RORA: variants seen among roughly 807,000 people sequenced by gnomAD.
The protein encoded by RORA is RAR related orphan receptor A.
In RORA, 7 loss-of-function variants were observed where a neutral mutation model predicts 69.5. The ratio of observed to expected loss-of-function variants is 0.10; its 90% CI spans 0.06 to 0.19. The LOEUF (loss-of-function observed/expected upper bound fraction) is 0.19, where lower values mean the gene tolerates loss of function less well. RORA is among the 10% of genes least tolerant of loss of function. The pLI is 1.00. For missense variants in RORA, 457 were observed against 663.0 expected (o/e 0.69, Z 3.41); for synonymous variants, 261 against 240.8 (o/e 1.08, Z -0.78).
intron 1 of RORA, among the ~76,000 whole-genome samples, chr15:61,094,432 C>A (rs2140727141): frequency 6.6e-6 from 1 of 152,262 alleles, no homozygotes; most frequent in Non-Finnish European, 1.5e-5. Context: ...CTGTTGCTGT[C>A]TGGTGTGTTT....
intron 1 of RORA, among the ~76,000 whole-genome samples, chr15:61,099,390 C>A (rs932987043): frequency 2.6e-5 from 4 of 152,138 alleles, no homozygotes; most frequent in African/African-American, 9.7e-5. Context: ...TCTATACTGT[C>A]CCCCACTAAA....
At chr15:60,964,805 G>A (rs1340601137) in intron 1 of RORA, among the ~76,000 whole-genome samples, 1 of 152,180 alleles carries the variant, frequency 6.6e-6, no homozygotes, top group East Asian at 1.9e-4. Context: ...TTGCTGATGT[G>A]GGAGGAAAGG....
At position 60,615,018 on chromosome 15, in the gene RORA, G is replaced by C. The variant is rs762807339; in HGVS notation, c.196+63639C>G. The C allele has an allele frequency of 1.4e-5, 22 of 1,612,498 alleles. No individual in the cohort carries two copies. In the South Asian group the frequency reaches 2.3e-4, roughly 17 times the overall value. On this transcript the variant is annotated intron_variant, in intron 2 of 10. Coordinates refer to ENST00000335670, the MANE Select transcript of RORA (RefSeq NM_134261.3). Reference sequence around the variant, plus strand: ...AGAACAGCCTGCTCAGGGAGCTACAGGTTGAAGAGCTGTCAGGGAAAACAG... The same window carrying C: ...AGAACAGCCTGCTCAGGGAGCTACACGTTGAAGAGCTGTCAGGGAAAACAG...
intron 2 of RORA, among the ~76,000 whole-genome samples, chr15:60,613,696 C>A (rs1350157567): frequency 8.0e-6 from 1 of 125,324 alleles, no homozygotes; most frequent in Non-Finnish European, 1.6e-5. Flanking sequence ...AATTTGATAT[C>A]TGTGTGTGTG....
In RORA at chr15:60,738,576, A is replaced by T. The variant is rs1011701789; in HGVS notation, c.167-59890T>A. Among the ~76,000 whole-genome samples, 7 of 152,378 alleles carry T rather than the reference A, an allele frequency of 4.6e-5. 1 individual carries two copies. Among genetic ancestry groups the T allele is most frequent in the African/African-American group, 1.7e-4 (7 of 41,590 alleles). On this transcript the variant is annotated intron_variant, in intron 1 of 10. Coordinates refer to ENST00000335670, the MANE Select transcript of RORA (RefSeq NM_134261.3). ...TTATGATATCGTTGGTATTAAGACA[A>T]ATATAATCCAGGCTGGATTTCATCA...
At chr15:61,195,319 T>C (rs756859301) in intron 1 of RORA, among the ~76,000 whole-genome samples, 38 of 152,000 alleles carry the variant, frequency 2.5e-4, no homozygotes, top group Non-Finnish European at 4.9e-4. Flanking sequence ...TCTCAGCCAC[T>C]AGAGGTCTAC....
intron 1 of RORA, among the ~76,000 whole-genome samples, chr15:61,116,827 C>A (rs1047403061): frequency 6.6e-6 from 1 of 152,094 alleles, no homozygotes; most frequent in African/African-American, 2.4e-5. Flanking sequence ...AACTAAATGG[C>A]TCCTAGGTCC....
intron 2 of RORA, among the ~76,000 whole-genome samples, chr15:60,583,404 C>G (rs1596012158): frequency 6.6e-6 from 1 of 152,344 alleles, no homozygotes; most frequent in East Asian, 1.9e-4. Context: ...ACTGTTTCCA[C>G]TGAGTTGGCC....
chr15:60,503,439 A>T, intron 7 of RORA, 96 bp downstream of exon 7: 2 of 1,272,290 alleles, frequency 1.6e-6, no homozygotes, highest in South Asian at 3.0e-5. Context: ...ATTGGAGAAA[A>T]ACTGTTCCCG....
intron 1 of RORA, among the ~76,000 whole-genome samples, chr15:60,873,964 A>G (rs1161066870): frequency 6.6e-6 from 1 of 152,196 alleles, no homozygotes; most frequent in African/African-American, 2.4e-5. Context: ...ATTAGCTTAT[A>G]GGGAAGTCAC....
chr15:61,189,523 G>A (rs1222699221), intron 1 of RORA, among the ~76,000 whole-genome samples: 1 of 152,122 alleles, frequency 6.6e-6, no homozygotes, highest in African/African-American at 2.4e-5. Context: ...CCAGCAAGAA[G>A]GAGGGCTGCA....
chr15:60,899,070 C>A (rs568133691), intron 1 of RORA, among the ~76,000 whole-genome samples: 1 of 152,342 alleles, frequency 6.6e-6, no homozygotes, highest in East Asian at 1.9e-4. Flanking sequence ...CAAAGAGCAG[C>A]AGCTCATCTG....
At chr15:60,955,249 C>A (rs980725783) in intron 1 of RORA, among the ~76,000 whole-genome samples, 1 of 152,178 alleles carries the variant, frequency 6.6e-6, no homozygotes, top group Non-Finnish European at 1.5e-5. Context: ...TTGCAGTGAG[C>A]CGAGATTGTG....
At chr15:60,562,583 G>A (rs965407100) in intron 2 of RORA, among the ~76,000 whole-genome samples, 1 of 151,232 alleles carries the variant, frequency 6.6e-6, no homozygotes, top group Non-Finnish European at 1.5e-5. Flanking sequence ...CTATAGGCCC[G>A]TGCTACCACG....
At chr15:60,939,194 A>C (rs1045237931) in intron 1 of RORA, among the ~76,000 whole-genome samples, 1 of 152,172 alleles carries the variant, frequency 6.6e-6, no homozygotes, top group Admixed American at 6.5e-5. Flanking sequence ...TCACTCACTC[A>C]TTCATTCATT....
intron 1 of RORA, among the ~76,000 whole-genome samples, chr15:61,153,778 TAAGAA>T (rs2079418635): frequency 8.8e-5 from 3 of 33,996 alleles, no homozygotes; most frequent in African/African-American, 2.7e-4. Context: ...GCACAATTGC[TAAGAA>T]CCCTTCAATT....
intron 1 of RORA, among the ~76,000 whole-genome samples, chr15:61,193,531 C>T (rs142209711): frequency 9.5e-4 from 144 of 152,292 alleles, no homozygotes; most frequent in Middle Eastern, 6.8e-3. Flanking sequence ...TCCAGCCCTT[C>T]CTGAAGTTTG....
At chr15:61,118,887 A>G (rs1283383008) in intron 1 of RORA, among the ~76,000 whole-genome samples, 1 of 152,130 alleles carries the variant, frequency 6.6e-6, no homozygotes, top group African/African-American at 2.4e-5. Flanking sequence ...GTTAAGGCTG[A>G]GTTCCTCTTG....
intron 1 of RORA, among the ~76,000 whole-genome samples, chr15:61,189,114 G>T (rs1444034655): frequency 1.3e-5 from 2 of 152,122 alleles, no homozygotes; most frequent in African/African-American, 4.8e-5. Flanking sequence ...GAGTTGCCAG[G>T]TAAGAAACAG....
Sources: allele counts gnomAD v4.1 joint callset (sites outside exome capture counted in the v4.1 genomes callset), GRCh38; gene constraint gnomAD v4.1.1; transcripts MANE v1.5; gene names NCBI Gene and HGNC (gene_info 2026-07-23, HGNC 2026-07-21).